SETD1B: variants seen among roughly 807,000 people sequenced by gnomAD.
SETD1B encodes SET domain containing 1B, histone lysine methyltransferase.
A neutral mutation model predicts 148.0 loss-of-function variants in SETD1B; 7 were observed. That is an observed-to-expected ratio of 0.05 (90% CI 0.03 to 0.09). The LOEUF (loss-of-function observed/expected upper bound fraction) is 0.09, where lower values mean the gene tolerates loss of function less well. SETD1B is among the 10% of genes least tolerant of loss of function. The pLI is 1.00. For missense variants in SETD1B, 2,155 were observed against 2,729.9 expected, an observed-to-expected ratio of 0.79 and a Z score of 4.69; for synonymous variants, 1,361 against 1,186.5, an observed-to-expected ratio of 1.15 and a Z score of -3.02.
chr12:121,826,408 G>GA (rs1289284841), intron 13 of SETD1B, among the ~76,000 whole-genome samples: 2 of 152,092 alleles, frequency 1.3e-5, no homozygotes, highest in African/African-American at 2.4e-5. Flanking sequence ...ACAGAGAAGT[G>GA]AAAAAGCGAC....
intron 4 of SETD1B, among the ~76,000 whole-genome samples, chr12:121,807,107 C>T (rs967820346): frequency 6.6e-6 from 1 of 152,186 alleles, no homozygotes; most frequent in African/African-American, 2.4e-5. Context: ...GCAGGAAAAT[C>T]AGAACTTTTC....
intron 16 of SETD1B, among the ~76,000 whole-genome samples, chr12:121,829,760 T>C (rs1272832075): frequency 1.3e-5 from 2 of 152,260 alleles, no homozygotes; most frequent in Non-Finnish European, 2.9e-5. Context: ...GGCTATAGTT[T>C]GCTGACCCTT....
At chr12:121,809,430 A>G (rs1250526464) in intron 5 of SETD1B, among the ~76,000 whole-genome samples, 173 bp from the exon 6 acceptor site, 2 of 152,150 alleles carry the variant, frequency 1.3e-5, no homozygotes, top group African/African-American at 4.8e-5. Context: ...GATTAGAGAA[A>G]AAGTTAGTAC....
At chr12:121,829,985 C>T (rs1877016193) in intron 16 of SETD1B, 81 bp from the exon 17 acceptor site, 1 of 1,358,554 alleles carries the variant, frequency 7.4e-7, no homozygotes, top group East Asian at 2.5e-5. Context: ...TAAGCACAGG[C>T]CTGGTTGGGT....
the SETD1B span, among the ~76,000 whole-genome samples, chr12:121,798,573 A>G: frequency 6.6e-6 from 1 of 152,236 alleles, no homozygotes; most frequent in Non-Finnish European, 1.5e-5. Flanking sequence ...ACACTCACCC[A>G]AGGTCACCAG....
In SETD1B at chr12:121,814,544, A is replaced by T; in HGVS notation, c.2329A>T (p.Met777Leu). 2 of 1,487,988 alleles carry T rather than the reference A, an allele frequency of 1.3e-6. No individual in the cohort carries two copies. Among genetic ancestry groups the T allele is most frequent in the Non-Finnish European group, 1.8e-6 (2 of 1,113,962 alleles). 92.2% of individuals were successfully genotyped at this position (1,487,988 alleles called of 1,614,324 possible). Residue 777 changes from methionine to leucine, a missense_variant, in exon 7 of 17, where the codon ATG becomes TTG. Met to Leu is a conservative substitution (Grantham distance 15). This residue lies in a region of SETD1B where 289 missense variants were observed against 423.7 expected (regional missense o/e 0.68). Coordinates refer to ENST00000604567, the MANE Select transcript of SETD1B (RefSeq NM_001353345.2). ...QWGGMPMSFQ[M>L]QTQVLSRLMT... is the part of the protein sequence containing the mutation. Reference sequence around the variant, plus strand: ...GGGCGGCATGCCCATGTCCTTCCAGATGCAAACGCAGGTGCTCAGCCGGCT... The same window carrying T: ...GGGCGGCATGCCCATGTCCTTCCAGTTGCAAACGCAGGTGCTCAGCCGGCT...
At chr12:121,793,177 C>G in the SETD1B span, 1 of 1,550,666 alleles carries the variant, frequency 6.4e-7, no homozygotes, top group Non-Finnish European at 8.7e-7. Flanking sequence ...GGTTCAGGGT[C>G]ACCTCCTTGC....
At chr12:121,798,053 G>T in the SETD1B span, among the ~76,000 whole-genome samples, 1 of 152,220 alleles carries the variant, frequency 6.6e-6, no homozygotes, top group African/African-American at 2.4e-5. Context: ...CCCGGGCAGG[G>T]ATGCCAGCAG....
At chr12:121,828,451 G>A (rs1186229129) in intron 16 of SETD1B, among the ~76,000 whole-genome samples, 2 of 152,268 alleles carry the variant, frequency 1.3e-5, no homozygotes, top group Non-Finnish European at 2.9e-5. Context: ...AGGGGGAGGT[G>A]CACTGCGTGC....
At chr12:121,802,117 AGT>A (rs1340161864), upstream of SETD1B, 1 of 152,242 alleles carries the variant, frequency 6.6e-6, no homozygotes, top group Non-Finnish European at 1.5e-5. Context: ...TTTCAAAGAA[AGT>A]GTACAAGCTA....
the SETD1B span, chr12:121,793,323 C>T: frequency 3.4e-6 from 5 of 1,460,662 alleles, no homozygotes; most frequent in Middle Eastern, 1.8e-4. Flanking sequence ...ACCCCCCTCA[C>T]TCGTCCCGGA....
chr12:121,803,322 G>A (rs556073377), upstream of SETD1B: 4 of 152,392 alleles, frequency 2.6e-5, no homozygotes, highest in South Asian at 8.3e-4. The surrounding 1 kb of genome is among the most constrained non-coding windows in gnomAD (Gnocchi z 4.7). Context: ...GTGGCTGGAG[G>A]AAGGGGGGGA....
upstream of SETD1B, chr12:121,799,740 G>GGGGGGGGGGGGGGGGGGGC (rs1566540807): frequency 3.7e-5 from 4 of 109,010 alleles, no homozygotes; most frequent in Non-Finnish European, 4.1e-5. Context: ...GTGGGGTGGG[G>GGGGGGGGGGGGGGGGGGGC]CGGGGCCGCA....
rs371971255 is a variant in SETD1B at position 121,822,592 on chromosome 12, C to G, written c.4013C>G (p.Pro1338Arg). The G allele has an allele frequency of 1.3e-6, 2 of 1,551,460 alleles. No individual in the cohort carries two copies. Among genetic ancestry groups the G allele is most frequent in the Non-Finnish European group, 1.7e-6 (2 of 1,146,858 alleles). Residue 1338 changes from proline to arginine, a missense_variant, in exon 12 of 17, where the codon CCG (proline) becomes CGG (arginine). By Grantham distance (103) the Pro-to-Arg change is moderately radical (BLOSUM62 -2). Coordinates refer to ENST00000604567, the MANE Select transcript of SETD1B (RefSeq NM_001353345.2). ...PRPPRPPSPP[P>R]EPETTDASHP... Reference sequence around the variant, plus strand: ...CCACCCCGGCCACCCAGCCCACCGCCGGAGCCTGAGACCACAGATGCCTCA... The same window carrying G: ...CCACCCCGGCCACCCAGCCCACCGCGGGAGCCTGAGACCACAGATGCCTCA...
chr12:121,820,376 G>A (rs561624793), intron 11 of SETD1B, among the ~76,000 whole-genome samples: 182 of 152,354 alleles, frequency 1.2e-3, no homozygotes, highest in Non-Finnish European at 2.0e-3. Context: ...GCGTTCTCAG[G>A]CTGTGCTGTC....
At position 121,817,141 on chromosome 12, in the gene SETD1B, C is replaced by T. The variant is rs1473472724; in HGVS notation, c.2824C>T (p.Leu942=). The change falls in exon 8 of 17, where the codon CTG becomes TTG. Residue 942 remains leucine (L), a synonymous_variant. Transcript: ENST00000604567. This position sits in a 1 kb window ranked among gnomAD's most constrained non-coding sequence, Gnocchi z 8.1. ...GGAGTCATGGGGCAAGGGCGAGGGC[C>T]TGGGCTACGAGGGCCTGGGCCTGGG... ...LLESWGKGEG[L]GYEGLGLGIG... is the part of the protein sequence containing the mutation. 1 of 1,548,952 alleles carries T rather than the reference C, an allele frequency of 6.5e-7. No individual in the cohort carries two copies. Among genetic ancestry groups the T allele is most frequent in the Admixed American group, 2.0e-5 (1 of 51,008 alleles).
In SETD1B at chr12:121,814,839, T is replaced by C; in HGVS notation, c.2624T>C (p.Ile875Thr). 1 of 1,551,612 alleles carries C rather than the reference T, an allele frequency of 6.4e-7. No homozygotes were observed. The highest frequency in any genetic ancestry group is 2.0e-5 in the Admixed American group (1 of 51,000). Residue 875 changes from isoleucine to threonine, a missense_variant, in exon 7 of 17, where the codon ATC becomes ACC. Physicochemically the swap from Ile to Thr is moderately conservative, Grantham distance 89. This residue lies in a region of SETD1B where 289 missense variants were observed against 423.7 expected (regional missense o/e 0.68). Coordinates refer to ENST00000604567, the MANE Select transcript of SETD1B (RefSeq NM_001353345.2). ...LLVVLKELKA[I>T]MKRDLNRKMV... ...GTGGTCCTCAAAGAACTCAAGGCCATCATGAAGCGTGACCTGAACCGCAAG... is the reference window on the plus strand; with the variant it reads ...GTGGTCCTCAAAGAACTCAAGGCCACCATGAAGCGTGACCTGAACCGCAAG...
the SETD1B span, among the ~76,000 whole-genome samples, chr12:121,792,255 G>A: frequency 2.0e-5 from 3 of 152,236 alleles, no homozygotes; most frequent in Non-Finnish European, 2.9e-5. Context: ...ACCGGATGAC[G>A]TGGTTCCCTG....
intron 7 of SETD1B, 116 bp downstream of exon 7, chr12:121,815,046 A>G (rs1367321575): frequency 8.3e-6 from 8 of 964,674 alleles, no homozygotes; most frequent in South Asian, 1.7e-5. Context: ...GGACCCCACT[A>G]TGGGAGCTCC....
Sources: gnomAD v4.1 joint callset for allele counts (sites outside exome capture counted in the v4.1 genomes callset) on GRCh38, gnomAD v4.1.1 for gene constraint, gnomAD v4.1.1 regional missense constraint, Gnocchi (gnomAD v3.1) non-coding constraint, MANE v1.5 for transcripts, NCBI Gene and HGNC (gene_info 2026-07-23, HGNC 2026-07-21) for gene names.